Variants in XK observed in about 807,000 individuals in gnomAD.
XK encodes X-linked Kx blood group antigen, Kell and VPS13A binding protein.
XK carries 2 observed loss-of-function variants against 14.0 expected under a neutral mutation model. That is an observed-to-expected ratio of 0.14 (90% confidence interval 0.06 to 0.45). The LOEUF is 0.45. Among genes scored for constraint, XK ranks in the 20% least tolerant of loss-of-function variants. XK has a pLI of 0.98. For missense variants in XK, 235 were observed against 341.5 expected (o/e 0.69, Z 2.46); for synonymous variants, 149 against 147.5 (o/e 1.01, Z -0.08).
intron 2 of XK, among the ~76,000 whole-genome samples, chrX:37,702,414 C>T (rs1265917546): frequency 5.3e-5 from 6 of 112,305 alleles, no homozygotes; most frequent in Non-Finnish European, 9.4e-5. Context: ...TATATTATTT[C>T]CTAAAGCGCA....
intron 2 of XK, among the ~76,000 whole-genome samples, chrX:37,703,813 T>A: frequency 8.9e-6 from 1 of 112,512 alleles, no homozygotes; most frequent in Non-Finnish European, 1.9e-5. Flanking sequence ...AAGTCTTCAA[T>A]ACCAAGGTGT....
At chrX:37,692,310 A>G (rs1299878538) in intron 1 of XK, among the ~76,000 whole-genome samples, 14 of 111,706 alleles carry the variant, frequency 1.3e-4, no homozygotes, top group African/African-American at 4.6e-4. Context: ...CAAATGAGGC[A>G]GGGGTATCCA....
At chrX:37,717,585 A>AG (rs1556448077) in intron 2 of XK, among the ~76,000 whole-genome samples, 1 of 111,943 alleles carries the variant, frequency 8.9e-6, no homozygotes, top group African/African-American at 3.2e-5. Context: ...CTGGGAGAAA[A>AG]GAACAAAATC....
At chrX:37,710,061 C>G (rs1927633066) in intron 2 of XK, among the ~76,000 whole-genome samples, 1 of 112,315 alleles carries the variant, frequency 8.9e-6, no homozygotes, top group African/African-American at 3.2e-5. Flanking sequence ...ACAAACCAGA[C>G]TTTCTGTTGC....
At chrX:37,702,410 A>G (rs905911904) in intron 2 of XK, among the ~76,000 whole-genome samples, 2 of 112,289 alleles carry the variant, frequency 1.8e-5, no homozygotes, top group South Asian at 3.7e-4. Context: ...CTAATATATT[A>G]TTTCCTAAAG....
At chrX:37,694,991 C>T (rs1927281600) in intron 2 of XK, among the ~76,000 whole-genome samples, 1 of 112,091 alleles carries the variant, frequency 8.9e-6, no homozygotes, top group Non-Finnish European at 1.9e-5. Context: ...CAGATGGAAG[C>T]CACATCAGCT....
chrX:37,693,683 T>C (rs782542278), intron 1 of XK, among the ~76,000 whole-genome samples: 1 of 111,669 alleles, frequency 9.0e-6, no homozygotes, highest in Non-Finnish European at 1.9e-5. Context: ...CAGAGATAGG[T>C]AACATGTTGT....
chrX:37,709,576 G>T (rs1298555983), intron 2 of XK, among the ~76,000 whole-genome samples: 3 of 111,757 alleles, frequency 2.7e-5, no homozygotes, highest in African/African-American at 9.7e-5. Context: ...AGTCTTATTT[G>T]CCAAAGAGTT....
intron 2 of XK, among the ~76,000 whole-genome samples, chrX:37,702,842 A>T (rs1233869977): frequency 1.8e-5 from 2 of 112,690 alleles, no homozygotes; most frequent in Non-Finnish European, 3.8e-5. Context: ...GCTTCTCAAA[A>T]TATCATTGGG....
At chrX:37,688,041 TTCTTTCTTTCTTTCTTTC>T (rs1372672060) in intron 1 of XK, among the ~76,000 whole-genome samples, 2 of 69,086 alleles carry the variant, frequency 2.9e-5, no homozygotes, top group Non-Finnish European at 5.2e-5. Context: ...CTTTCTTTCT[TTCTTTCTTTCTTTCTTTC>T]TTTTTTTTTT....
intron 2 of XK, among the ~76,000 whole-genome samples, chrX:37,702,107 G>T (rs781920517): frequency 8.9e-6 from 1 of 111,901 alleles, no homozygotes; most frequent in South Asian, 3.8e-4. Flanking sequence ...AGGGGAGGGG[G>T]TGCTGCTGTT....
At chrX:37,707,812 G>A (rs1023741815) in intron 2 of XK, among the ~76,000 whole-genome samples, 21 of 112,635 alleles carry the variant, frequency 1.9e-4, no homozygotes, top group Non-Finnish European at 3.2e-4. Flanking sequence ...GTGGCAGCCG[G>A]GCAGAGGCTG....
chrX:37,705,451 C>CA (rs201945450), intron 2 of XK, among the ~76,000 whole-genome samples: 16,284 of 84,798 alleles, frequency 0.19, 1,121 homozygotes, highest in African/African-American at 0.21. Context: ...GACTCTGTCT[C>CA]AAAAAAAAAA....
In XK at chrX:37,728,537, C is replaced by G. The variant is rs1749543036; in HGVS notation, c.*75C>G. ...CTCGTTATTCATACAAATAATGAGC[C>G]CTACACAGGGAACAAGGCAGGAAGT... On this transcript the variant is annotated 3_prime_UTR_variant, in exon 3 of 3. Coordinates refer to ENST00000378616, the MANE Select transcript of XK (RefSeq NM_021083.4). 1 of 1,050,010 alleles carries G rather than the reference C, an allele frequency of 9.5e-7. No homozygotes were observed. Among genetic ancestry groups the G allele is most frequent in the South Asian group, 1.9e-5 (1 of 52,776 alleles). 86.5% of individuals were successfully genotyped at this position (1,050,010 alleles called of 1,213,427 possible).
Position 37,731,072 on chromosome X carries a change from T to C in XK, c.*2610T>C, listed in dbSNP as rs1928078024. ...ATGGTGAACTGATAATTTTTGTTTTTAAATTATTTATATTACTGAATTGGC... is the reference window on the plus strand; with the variant it reads ...ATGGTGAACTGATAATTTTTGTTTTCAAATTATTTATATTACTGAATTGGC... On this transcript the variant is annotated 3_prime_UTR_variant, in exon 3 of 3. Coordinates refer to ENST00000378616, the MANE Select transcript of XK (RefSeq NM_021083.4). 1 of 112,408 alleles carries C rather than the reference T, an allele frequency of 8.9e-6. No homozygotes were observed. Among genetic ancestry groups the C allele is most frequent in the Admixed American group, 9.4e-5 (1 of 10,632 alleles). The allele number at this position is 112,408 out of a possible 1,213,427, so 9.3% of individuals were successfully genotyped here. A position where few individuals can be genotyped will look rare whatever the true frequency, so the allele number is the denominator to read the frequency against.
chrX:37,706,709 T>C (rs1466367050), intron 2 of XK, among the ~76,000 whole-genome samples: 1 of 108,806 alleles, frequency 9.2e-6, no homozygotes, highest in Non-Finnish European at 1.9e-5. Context: ...CATAGGACAA[T>C]AGTGGAGGGA....
At chrX:37,715,875 C>T (rs1294972661) in intron 2 of XK, among the ~76,000 whole-genome samples, 11 of 111,361 alleles carry the variant, frequency 9.9e-5, no homozygotes, top group South Asian at 3.8e-4. Flanking sequence ...AAACCCACCT[C>T]CAAATGGGCC....
chrX:37,724,375 T>G (rs9887665), intron 2 of XK, among the ~76,000 whole-genome samples: 35,747 of 109,987 alleles, frequency 0.33, 6,731 homozygotes, highest in African/African-American at 0.73. Context: ...AGAGAGCCTA[T>G]AAATAGACCC....
At chrX:37,708,307 G>C (rs1432120275) in intron 2 of XK, among the ~76,000 whole-genome samples, 3 of 111,873 alleles carry the variant, frequency 2.7e-5, no homozygotes, top group African/African-American at 9.8e-5. Flanking sequence ...AATGTGAGGA[G>C]TGAAACAAGA....
Sources: allele counts gnomAD v4.1 joint callset (sites outside exome capture counted in the v4.1 genomes callset), GRCh38; gene constraint gnomAD v4.1.1; transcripts MANE v1.5; gene names NCBI Gene and HGNC (gene_info 2026-07-23, HGNC 2026-07-21).